GPC5: variants seen among roughly 807,000 people sequenced by gnomAD.
The protein encoded by GPC5 is glypican 5, also known as glypican-5.
Under a neutral mutation model 53.9 loss-of-function variants are expected in GPC5, and 47 were observed. The observed-to-expected ratio is 0.87, with a 90% CI of 0.69 to 1.11. GPC5 has a LOEUF of 1.11. GPC5 is among the 50% of genes most tolerant of loss of function. GPC5 has a pLI of 0.00. For missense variants in GPC5, 748 were observed against 713.1 expected (o/e 1.05, Z -0.56); for synonymous variants, 286 against 263.3 (o/e 1.09, Z -0.84).
chr13:92,169,765 A>G (rs984173279), intron 7 of GPC5, among the ~76,000 whole-genome samples: 3 of 152,134 alleles, frequency 2.0e-5, no homozygotes, highest in African/African-American at 7.2e-5. Context: ...GCAAAAAATT[A>G]TTTTATAATT....
chr13:92,664,164 T>C (rs1215733689), intron 7 of GPC5, among the ~76,000 whole-genome samples: 1 of 151,846 alleles, frequency 6.6e-6, no homozygotes, highest in Non-Finnish European at 1.5e-5. Flanking sequence ...GAGGACTGCA[T>C]GTGAAAGTTG....
At chr13:92,529,701 C>A (rs1881486244) in intron 7 of GPC5, among the ~76,000 whole-genome samples, 1 of 152,086 alleles carries the variant, frequency 6.6e-6, no homozygotes, top group Non-Finnish European at 1.5e-5. Flanking sequence ...CACTTTTAAC[C>A]TAGAATTTTA....
At chr13:92,616,159 A>AT (rs1884685085) in intron 7 of GPC5, among the ~76,000 whole-genome samples, 1 of 152,204 alleles carries the variant, frequency 6.6e-6, no homozygotes, top group Admixed American at 6.5e-5. Flanking sequence ...AAGGATTTAT[A>AT]TTTTTCCCCA....
At chr13:91,642,354 A>G (rs1042846406) in intron 2 of GPC5, among the ~76,000 whole-genome samples, 8 of 152,228 alleles carry the variant, frequency 5.3e-5, no homozygotes, top group Admixed American at 5.2e-4. Flanking sequence ...CACAGTGAAG[A>G]GACGATAGGC....
chr13:91,467,931 A>T (rs1882350743), intron 2 of GPC5, among the ~76,000 whole-genome samples: 1 of 152,096 alleles, frequency 6.6e-6, no homozygotes, highest in African/African-American at 2.4e-5. Context: ...TTTGGTCAGG[A>T]TTGGCCAGGT....
intron 2 of GPC5, among the ~76,000 whole-genome samples, chr13:91,543,374 AT>A (rs2030079164): frequency 6.6e-6 from 1 of 152,190 alleles, no homozygotes; most frequent in African/African-American, 2.4e-5. Context: ...AAAAAGATAA[AT>A]TCCTATATTA....
At chr13:92,866,221 TC>T (rs1879328753) in intron 7 of GPC5, 60 bp from the exon 8 acceptor site, 1 of 1,476,548 alleles carries the variant, frequency 6.8e-7, no homozygotes, top group Admixed American at 1.9e-5. Flanking sequence ...TAAGAGTTGT[TC>T]TAGACGTATT....
In GPC5 at chr13:92,381,962, GTATCTATCTATC is replaced by G. The variant is rs58251052; in HGVS notation, c.1561+237005_1561+237016del. ...TATGAAATAATATCTATGTATGTATGTATCTATCTATCTATCTATCTATCTATCTATCTATCT... is the reference window on the plus strand; with the variant it reads ...TATGAAATAATATCTATGTATGTATGTATCTATCTATCTATCTATCTATCT... On this transcript the variant is annotated intron_variant, in intron 7 of 7. Coordinates refer to ENST00000377067, the MANE Select transcript of GPC5 (RefSeq NM_004466.6). Among the ~76,000 whole-genome samples the G allele has an allele frequency of 3.1e-3, 389 of 126,294 alleles. 5 individuals carry two copies. Among genetic ancestry groups the G allele is most frequent in the African/African-American group, 9.8e-3 (352 of 35,888 alleles). The allele number at this position is 126,294 out of a possible 152,430, so 82.9% of individuals were successfully genotyped here. A position where few individuals can be genotyped will look rare whatever the true frequency, so the allele number is the denominator to read the frequency against.
intron 2 of GPC5, among the ~76,000 whole-genome samples, chr13:91,488,954 T>C (rs1284006190): frequency 1.3e-5 from 2 of 152,198 alleles, no homozygotes; most frequent in African/African-American, 4.8e-5. Context: ...GGCTGTCTTT[T>C]ATGGTCGTAG....
At chr13:92,563,667 G>T (rs530515746) in intron 7 of GPC5, among the ~76,000 whole-genome samples, 1 of 151,926 alleles carries the variant, frequency 6.6e-6, no homozygotes, top group Admixed American at 6.6e-5. Context: ...ATTTTAGTGA[G>T]TGAAAAACTT....
intron 7 of GPC5, among the ~76,000 whole-genome samples, chr13:92,606,937 T>C (rs1408935624): frequency 6.6e-6 from 1 of 152,230 alleles, no homozygotes; most frequent in African/African-American, 2.4e-5. Context: ...AAGTTTTGAC[T>C]TTGGGAGGTT....
Position 92,123,893 on chromosome 13 carries a change from G to A in GPC5, c.1402-20937G>A, listed in dbSNP as rs74106126. Among the ~76,000 whole-genome samples, 936 of 151,980 alleles carry A rather than the reference G, an allele frequency of 6.2e-3. 11 individuals are homozygous for A. Among genetic ancestry groups the A allele is most frequent in the Middle Eastern group, 0.034 (10 of 294 alleles). ...CTTATTTAGGTGTACCTTTTTCTAC[G>A]AAGATGTCTTCATTAAACTATTTTC... On this transcript the variant is annotated intron_variant, in intron 6 of 7. Coordinates refer to ENST00000377067, the MANE Select transcript of GPC5 (RefSeq NM_004466.6).
At chr13:92,192,213 A>C (rs2042227374) in intron 7 of GPC5, among the ~76,000 whole-genome samples, 1 of 152,208 alleles carries the variant, frequency 6.6e-6, no homozygotes, top group South Asian at 2.1e-4. Context: ...TACCAAGAGC[A>C]AACCCTAATG....
intron 7 of GPC5, among the ~76,000 whole-genome samples, chr13:92,390,328 TA>T (rs925981270): frequency 4.6e-5 from 7 of 152,116 alleles, no homozygotes; most frequent in African/African-American, 1.4e-4. Context: ...CATCAGCCTA[TA>T]AAAAAGAAAA....
At chr13:92,422,488 TCACACACA>T (rs6145177) in intron 7 of GPC5, among the ~76,000 whole-genome samples, 41 of 133,390 alleles carry the variant, frequency 3.1e-4, no homozygotes, top group Admixed American at 5.2e-4. Flanking sequence ...CATCACCATC[TCACACACA>T]CACACACACA....
intron 7 of GPC5, among the ~76,000 whole-genome samples, chr13:92,157,887 G>A (rs921432402): frequency 3.9e-5 from 6 of 152,146 alleles, no homozygotes; most frequent in African/African-American, 1.4e-4. Context: ...TTTTAAAGAT[G>A]TATCCCAGCT....
In GPC5 at chr13:91,918,964, C is replaced by T. The variant is rs138224129; in HGVS notation, c.1401+10907C>T. Among the ~76,000 whole-genome samples the T allele has an allele frequency of 3.3e-5, 5 of 152,256 alleles. 1 individual carries two copies. The East Asian group carries it at 9.7e-4, about 29-fold the overall frequency. ...CTTCCAAGATGTTTCTTCTGAGTCT[C>T]AGATACTTCAGTCTACCATTGTATT... On this transcript the variant is annotated intron_variant, in intron 6 of 7. Transcript: ENST00000377067.
intron 6 of GPC5, among the ~76,000 whole-genome samples, chr13:91,963,951 G>A (rs547174075): frequency 6.6e-6 from 1 of 152,194 alleles, no homozygotes; most frequent in Admixed American, 6.6e-5. Flanking sequence ...GTGGAAGACA[G>A]TGTGGGGATT....
At chr13:92,712,488 T>C (rs1888174418) in intron 7 of GPC5, among the ~76,000 whole-genome samples, 1 of 150,334 alleles carries the variant, frequency 6.7e-6, no homozygotes, top group African/African-American at 2.4e-5. Flanking sequence ...CAAAATCATA[T>C]AGGAAAAGCC....
Sources: gnomAD v4.1 joint callset for allele counts (sites outside exome capture counted in the v4.1 genomes callset) on GRCh38, gnomAD v4.1.1 for gene constraint, MANE v1.5 for transcripts, NCBI Gene and HGNC (gene_info 2026-07-23, HGNC 2026-07-21) for gene names.